Variants in LOXL4 observed in about 807,000 individuals in gnomAD.
The protein encoded by LOXL4 is lysyl oxidase homolog 4.
In LOXL4, 72 loss-of-function variants were observed where a neutral mutation model predicts 89.1. The ratio of observed to expected loss-of-function variants is 0.81; its 90% CI spans 0.67 to 0.98. LOXL4 has a LOEUF of 0.98. Among genes scored for constraint, LOXL4 ranks in the 50% least tolerant of loss-of-function variants. LOXL4 has a pLI of 0.00. For missense variants in LOXL4, 984 were observed against 1,017.5 expected, an observed-to-expected ratio of 0.97 and a Z score of 0.45; for synonymous variants, 355 against 392.1, an observed-to-expected ratio of 0.91 and a Z score of 1.12.
intron 10 of LOXL4, 121 bp from the exon 11 acceptor site, chr10:98,253,917 G>A: frequency 7.7e-7 from 1 of 1,292,894 alleles, no homozygotes; most frequent in Non-Finnish European, 1.1e-6. Context: ...CACAAAAGAA[G>A]GGCAGTTTTA....
chr10:98,253,856 T>A (rs981744913), intron 10 of LOXL4, 60 bp from the exon 11 acceptor site: 1 of 1,603,874 alleles, frequency 6.2e-7, no homozygotes, highest in Non-Finnish European at 8.5e-7. Flanking sequence ...AGTCTTAGTC[T>A]CCAGCACAGA....
intron 3 of LOXL4, among the ~76,000 whole-genome samples, chr10:98,261,443 T>C (rs904884341): frequency 2.0e-5 from 3 of 152,042 alleles, no homozygotes; most frequent in Non-Finnish European, 4.4e-5. Flanking sequence ...TTGGGAGGCT[T>C]TTGCTGGGCA....
intron 4 of LOXL4, among the ~76,000 whole-genome samples, 175 bp from the exon 5 acceptor site, chr10:98,259,604 A>T (rs1014098256): frequency 2.6e-5 from 4 of 152,186 alleles, no homozygotes; most frequent in Non-Finnish European, 4.4e-5. Context: ...TGGCCACCTC[A>T]CAAATAACCA....
Position 98,262,917 on chromosome 10 carries a change from C to T in LOXL4, c.103G>A (p.Val35Met). 1 of 1,613,628 alleles carries T rather than the reference C, an allele frequency of 6.2e-7. No homozygotes were observed. Among genetic ancestry groups the T allele is most frequent in the Non-Finnish European group, 8.5e-7 (1 of 1,180,036 alleles). The change falls in exon 2 of 15, where the codon GTG becomes ATG. Residue 35 changes from valine to methionine, a missense_variant. By Grantham distance (21) the Val-to-Met change is conservative (BLOSUM62 1). Transcript: ENST00000260702. ...TCCTCTGGCTTGCTCTCTGGGCCCA[C>T]CAGCCGGAGCTTAGTGGTGCCCAGT... ...QSLGTTKLRL[V>M]GPESKPEEGR...
Position 98,259,169 on chromosome 10 carries a change from G to A in LOXL4, c.761C>T (p.Thr254Ile), listed in dbSNP as rs1352557001. ...FWIHQVTCLG[T>I]EPHMANCQVQ... is the part of the protein sequence containing the mutation. ...CTGGCAGTTGGCCATGTGGGGCTCT[G>A]TCCCCAGGCAGGTGACCTGGTGGAT... The change falls in exon 6 of 15, where the codon ACA (threonine) becomes ATA (isoleucine). Residue 254 changes from threonine to isoleucine, a missense_variant. Physicochemically the swap from Thr to Ile is moderately conservative, Grantham distance 89. Transcript: ENST00000260702. 1.9e-6 allele frequency: 3 copies of A among 1,612,322 alleles called. No homozygotes were observed. Among genetic ancestry groups the A allele is most frequent in the Non-Finnish European group, 2.5e-6 (3 of 1,179,848 alleles).
At chr10:98,249,083 C>T (rs1858117270) in intron 14 of LOXL4, 92 bp from the exon 15 acceptor site, 2 of 955,814 alleles carry the variant, frequency 2.1e-6, no homozygotes, top group African/African-American at 3.2e-5. Flanking sequence ...CCCAGCTCAT[C>T]CTTTATATCA....
rs922847122 is a variant in LOXL4, at chr10:98,258,301, C to T, written c.922-137G>A. ...GAGCCAAGGATGGGGAGTTCCAGTC[C>T]TGCTTCTGACTTCCCATAGCTGTCA... On this transcript the variant is annotated intron_variant, in intron 6 of 14. Coordinates refer to ENST00000260702, the MANE Select transcript of LOXL4 (RefSeq NM_032211.7). 5.0e-6 allele frequency: 4 copies of T among 802,564 alleles called. No homozygotes were observed. In the African/African-American group the frequency reaches 5.2e-5, roughly 10 times the overall value. The allele number at this position is 802,564 out of a possible 1,614,324, so 49.7% of individuals were successfully genotyped here.
At chr10:98,255,801 C>A (rs891761235) in intron 9 of LOXL4, 62 bp from the exon 10 acceptor site, 2 of 1,561,132 alleles carry the variant, frequency 1.3e-6, no homozygotes, top group African/African-American at 2.7e-5. Flanking sequence ...TGACTCCCAT[C>A]TGAGGTGTGG....
rs1397778134 is a variant in LOXL4 at position 98,262,741 on chromosome 10, A to C, written c.277+2T>G. The C allele has an allele frequency of 6.2e-7, 1 of 1,609,420 alleles. No individual in the cohort carries two copies. The highest frequency in any genetic ancestry group is 8.5e-7 in the Non-Finnish European group (1 of 1,177,212). On this transcript the variant is annotated splice_donor_variant, in intron 2 of 14. Coordinates refer to ENST00000260702, the MANE Select transcript of LOXL4 (RefSeq NM_032211.7). LOFTEE classifies it high-confidence loss of function. ...TCCCACTAGGTGGCACCAGTCACTCACCCTCCCCTTGGCCGTACTTGGCAC... is the reference window on the plus strand; with the variant it reads ...TCCCACTAGGTGGCACCAGTCACTCCCCCTCCCCTTGGCCGTACTTGGCAC...
intron 3 of LOXL4, among the ~76,000 whole-genome samples, chr10:98,261,363 G>A (rs183882595): frequency 3.1e-4 from 47 of 152,310 alleles, no homozygotes; most frequent in African/African-American, 1.1e-3. Context: ...TCAGTTCCTC[G>A]AATTTGTCAA....
rs1050435840 is a variant in LOXL4, at chr10:98,248,017, T to G, written c.*904A>C. 4 of 152,270 alleles carry G rather than the reference T, an allele frequency of 2.6e-5. No homozygotes were observed. The highest frequency in any genetic ancestry group is 4.4e-5 in the Non-Finnish European group (3 of 68,066). The allele number at this position is 152,270 out of a possible 1,614,324, so 9.4% of individuals were successfully genotyped here. ...CTTTCCATGGCAAAAATTTATTCAA[T>G]GCAAAGTTCACTTCAGACACTTGGT... On this transcript the variant is annotated 3_prime_UTR_variant, in exon 15 of 15. Transcript: ENST00000260702.
Position 98,253,726 on chromosome 10 carries a change from G to C in LOXL4, c.1662C>G (p.Ser554Arg). 6.2e-7 allele frequency: 1 copy of C among 1,614,226 alleles called. No individual in the cohort carries two copies. The highest frequency in any genetic ancestry group is 8.5e-7 in the Non-Finnish European group (1 of 1,180,044). Reference sequence around the variant, plus strand: ...TCTCCTCGTGGGCACAATACAGCTGGCTGAGCGGGCGGTCCTCCAAGTAGG... The same window carrying C: ...TCTCCTCGTGGGCACAATACAGCTGCCTGAGCGGGCGGTCCTCCAAGTAGG... ...ETAYLEDRPL[S>R]QLYCAHEENC... Residue 554 changes from serine (S) to arginine (R), a missense_variant, in exon 11 of 15, where the codon AGC (serine) becomes AGG (arginine). Coordinates refer to ENST00000260702, the MANE Select transcript of LOXL4 (RefSeq NM_032211.7).
intron 11 of LOXL4, among the ~76,000 whole-genome samples, 155 bp downstream of exon 11, chr10:98,253,398 C>T (rs1361794394): frequency 3.3e-5 from 5 of 152,252 alleles, no homozygotes; most frequent in East Asian, 1.9e-4. Flanking sequence ...AGGTGGATGC[C>T]GCTGTCCTCA....
At chr10:98,261,261 G>A (rs898854464) in intron 3 of LOXL4, 134 bp from the exon 4 acceptor site, 4 of 889,456 alleles carry the variant, frequency 4.5e-6, no homozygotes, top group Non-Finnish European at 6.8e-6. Context: ...CATTGAACAG[G>A]CCAGGAAACT....
At chr10:98,264,546 C>A (rs998878934) in intron 1 of LOXL4, among the ~76,000 whole-genome samples, 3 of 151,694 alleles carry the variant, frequency 2.0e-5, no homozygotes, top group Non-Finnish European at 4.4e-5. Context: ...GGGTTTCAGG[C>A]GGTAAACAGA....
intron 14 of LOXL4, among the ~76,000 whole-genome samples, 200 bp downstream of exon 14, chr10:98,250,865 G>T (rs1858171201): frequency 6.6e-6 from 1 of 152,196 alleles, no homozygotes; most frequent in Non-Finnish European, 1.5e-5. Flanking sequence ...TGTAGTTATT[G>T]GGTGAAGCCG....
chr10:98,265,300 A>G (rs57281195), intron 1 of LOXL4, among the ~76,000 whole-genome samples: 4,281 of 152,158 alleles, frequency 0.028, 196 homozygotes, highest in African/African-American at 0.092. Flanking sequence ...TAACTACCTC[A>G]TAGGATTTTT....
chr10:98,250,962 CACAT>C lies in LOXL4; in HGVS notation c.2200+99_2200+102del, dbSNP rs937143701. Reference sequence around the variant, plus strand: ...CATCCATAGCCTTTTGCACACCACACACATACAAGTCACACGCTGGAGTGTGGGA... The same window carrying C: ...CATCCATAGCCTTTTGCACACCACACACAAGTCACACGCTGGAGTGTGGGA... On this transcript the variant is annotated intron_variant, in intron 14 of 14. Coordinates refer to ENST00000260702, the MANE Select transcript of LOXL4 (RefSeq NM_032211.7). 8.8e-6 allele frequency: 7 copies of C among 795,274 alleles called. No homozygotes were observed. The African/African-American group carries it at 1.2e-4, about 13-fold the overall frequency. The allele number at this position is 795,274 out of a possible 1,614,324, so 49.3% of individuals were successfully genotyped here.
chr10:98,250,947 CT>C, intron 14 of LOXL4, 117 bp downstream of exon 14: 1 of 719,246 alleles, frequency 1.4e-6, no homozygotes, highest in Non-Finnish European at 2.4e-6. Context: ...CATCCATAGC[CT>C]TTTGCACACC....
Sources: gnomAD v4.1 joint callset for allele counts (sites outside exome capture counted in the v4.1 genomes callset) on GRCh38, gnomAD v4.1.1 for gene constraint, MANE v1.5 for transcripts, NCBI Gene and HGNC (gene_info 2026-07-23, HGNC 2026-07-21) for gene names.